Variants in GNB4 observed in about 807,000 individuals in gnomAD.
GNB4 encodes the protein guanine nucleotide-binding protein subunit beta-4.
In GNB4, 28 loss-of-function variants were observed where a neutral mutation model predicts 45.2. That is an observed-to-expected ratio of 0.62 (90% confidence interval 0.46 to 0.85). GNB4 has a LOEUF of 0.85. Ranked by LOEUF, GNB4 falls within the 40% of genes least tolerant of loss-of-function variation. The probability of loss-of-function intolerance (pLI) is 0.00; values close to 1 mark genes in which losing one functional copy is unlikely to be tolerated. For missense variants in GNB4, 321 were observed against 425.4 expected (o/e 0.75, Z 2.16); for synonymous variants, 132 against 143.7 (o/e 0.92, Z 0.58).
At chr3:179,476,642 C>T in the GNB4 span, among the ~76,000 whole-genome samples, 1 of 152,218 alleles carries the variant, frequency 6.6e-6, no homozygotes. Flanking sequence ...GCCTGGCCTC[C>T]CAGGTTGTCT....
chr3:179,425,254 TAG>T (rs2108601929), intron 2 of GNB4, among the ~76,000 whole-genome samples: 1 of 152,306 alleles, frequency 6.6e-6, no homozygotes, highest in South Asian at 2.1e-4. Flanking sequence ...TGCTGTCTCT[TAG>T]AGAGTGCTCC....
chr3:179,425,681 G>A (rs1191704136), intron 2 of GNB4, among the ~76,000 whole-genome samples: 1 of 152,046 alleles, frequency 6.6e-6, no homozygotes, highest in Non-Finnish European at 1.5e-5. Context: ...ATGTTGGCCA[G>A]GCTGGTCTTG....
the GNB4 span, among the ~76,000 whole-genome samples, chr3:179,525,462 C>T: frequency 1.2e-4 from 18 of 152,006 alleles, no homozygotes; most frequent in South Asian, 4.2e-4. Context: ...GGTAGAGACA[C>T]GGAGAAGGGG....
chr3:179,434,342 C>G (rs1460141707), intron 1 of GNB4, among the ~76,000 whole-genome samples: 2 of 152,020 alleles, frequency 1.3e-5, no homozygotes, highest in Non-Finnish European at 2.9e-5. Context: ...GAAAAAAAAG[C>G]AAATTCCAGG....
chr3:179,478,433 C>T, the GNB4 span, among the ~76,000 whole-genome samples: 3 of 152,178 alleles, frequency 2.0e-5, no homozygotes, highest in East Asian at 5.8e-4. Flanking sequence ...AGTAAACATT[C>T]CTATTGTGGC....
the GNB4 span, among the ~76,000 whole-genome samples, chr3:179,505,938 G>A: frequency 5.3e-5 from 8 of 152,228 alleles, no homozygotes; most frequent in Admixed American, 5.2e-4. Context: ...AAGCCACTGA[G>A]ATTTCGAGGG....
intron 8 of GNB4, among the ~76,000 whole-genome samples, chr3:179,411,466 CA>C (rs755966921): frequency 0.026 from 3,197 of 125,288 alleles, 107 homozygotes; most frequent in African/African-American, 0.079. Context: ...AATGTTTTGA[CA>C]AAAAAAAAAA....
intron 8 of GNB4, among the ~76,000 whole-genome samples, chr3:179,411,785 G>A (rs1015407084): frequency 6.6e-6 from 1 of 152,192 alleles, no homozygotes; most frequent in Non-Finnish European, 1.5e-5. Flanking sequence ...TAAAAAAAGT[G>A]ACTTTCAATA....
At chr3:179,503,467 A>G in the GNB4 span, among the ~76,000 whole-genome samples, 1 of 152,248 alleles carries the variant, frequency 6.6e-6, no homozygotes, top group African/African-American at 2.4e-5. Flanking sequence ...AAAAAATTCC[A>G]ATTATTAACT....
At chr3:179,468,035 A>AAAAAAAAAAATATATATATATATATATAT in the GNB4 span, among the ~76,000 whole-genome samples, 18 of 89,852 alleles carry the variant, frequency 2.0e-4, no homozygotes, top group African/African-American at 7.2e-4. Flanking sequence ...TGTTGATAAA[A>AAAAAAAAAAATATATATATATATATATAT]ATATATATAT....
the GNB4 span, among the ~76,000 whole-genome samples, chr3:179,484,999 C>A: frequency 9.7e-6 from 1 of 103,384 alleles, no homozygotes; most frequent in African/African-American, 3.4e-5. Flanking sequence ...CAACTTTTTT[C>A]GTTTTGTTTT....
the GNB4 span, among the ~76,000 whole-genome samples, chr3:179,474,053 A>C: frequency 6.6e-6 from 1 of 152,220 alleles, no homozygotes; most frequent in South Asian, 2.1e-4. Flanking sequence ...GCCAGTCTGC[A>C]TTGGCTCATG....
chr3:179,413,257 T>A (rs1714702606), intron 8 of GNB4, among the ~76,000 whole-genome samples, 155 bp downstream of exon 8: 1 of 152,160 alleles, frequency 6.6e-6, no homozygotes, highest in African/African-American at 2.4e-5. Flanking sequence ...CTTTCTTTTT[T>A]AAAAAATCAA....
Position 179,436,107 on chromosome 3 carries a change from T to G in GNB4, c.-42-9865A>C, listed in dbSNP as rs1418104297. On this transcript the variant is annotated intron_variant, in intron 1 of 9. Coordinates refer to ENST00000232564, the MANE Select transcript of GNB4 (RefSeq NM_021629.4). ...TATTTTAAATTGCACTTTAAAAATGTAAGGATAGGCCGGATCTGCAGTGGC... is the reference window on the plus strand; with the variant it reads ...TATTTTAAATTGCACTTTAAAAATGGAAGGATAGGCCGGATCTGCAGTGGC... 3.3e-5 allele frequency among the ~76,000 whole-genome samples: 5 copies of G among 152,200 alleles called. No homozygotes were observed. The East Asian group carries it at 7.7e-4, about 23-fold the overall frequency.
the GNB4 span, among the ~76,000 whole-genome samples, chr3:179,490,037 G>A: frequency 6.6e-6 from 1 of 152,164 alleles, no homozygotes; most frequent in African/African-American, 2.4e-5. Flanking sequence ...AAATGACTTA[G>A]TAAGTTTTAG....
intron 5 of GNB4, among the ~76,000 whole-genome samples, chr3:179,415,548 C>G (rs973326222): frequency 2.0e-5 from 3 of 151,282 alleles, no homozygotes; most frequent in Non-Finnish European, 4.4e-5. Context: ...GGATCTCATT[C>G]AAACAATGGT....
chr3:179,417,059 A>C (rs1714819720), intron 4 of GNB4, among the ~76,000 whole-genome samples: 1 of 152,258 alleles, frequency 6.6e-6, no homozygotes, highest in African/African-American at 2.4e-5. Context: ...AAATCAAGTA[A>C]GTAAAAACTG....
rs907813625 is a variant in GNB4 at position 179,415,162 on chromosome 3, T to C, written c.268-115A>G. ...ATTAAACACATCTAAGAAAGATAAG[T>C]CAAATAAAATAATGTAATGGCTTGA... On this transcript the variant is annotated intron_variant, in intron 5 of 9. Transcript: ENST00000232564. The C allele has an allele frequency of 4.1e-6, 3 of 727,622 alleles. No individual in the cohort carries two copies. In the Admixed American group the frequency reaches 1.2e-4, roughly 28 times the overall value. 45.1% of individuals were successfully genotyped at this position (727,622 alleles called of 1,614,324 possible).
chr3:179,481,983 G>A, the GNB4 span, among the ~76,000 whole-genome samples: 1 of 151,942 alleles, frequency 6.6e-6, no homozygotes, highest in Admixed American at 6.6e-5. Context: ...GCTCAATATA[G>A]CATCTACCTC....
Sources: gnomAD v4.1 joint callset for allele counts (sites outside exome capture counted in the v4.1 genomes callset) on GRCh38, gnomAD v4.1.1 for gene constraint, MANE v1.5 for transcripts, NCBI Gene and HGNC (gene_info 2026-07-23, HGNC 2026-07-21) for gene names.